MYO9A: variants seen among roughly 807,000 people sequenced by gnomAD.
MYO9A encodes the protein unconventional myosin-IXa.
MYO9A carries 103 observed loss-of-function variants against 293.3 expected under a neutral mutation model. The observed-to-expected ratio is 0.35, with a 90% CI of 0.30 to 0.41. MYO9A has a LOEUF of 0.41. Ranked by LOEUF, MYO9A falls within the 10% of genes least tolerant of loss-of-function variation. MYO9A has a pLI of 1.00. For synonymous variants in MYO9A, 1,001 were observed against 1,035.7 expected, an observed-to-expected ratio of 0.97 and a Z score of 0.64; for missense variants, 2,685 against 3,033.0, an observed-to-expected ratio of 0.89 and a Z score of 2.69.
At chr15:72,103,382 C>CAGCAGCAGCAGAAGCAGCAGCAAGCAGCA (rs1596584494) in intron 1 of MYO9A, among the ~76,000 whole-genome samples, 1 of 142,704 alleles carries the variant, frequency 7.0e-6, no homozygotes, top group African/African-American at 2.6e-5. Context: ...GAAGCAGAAG[C>CAGCAGCAGCAGAAGCAGCAGCAAGCAGCA]AGCAGCAGCA....
At position 72,028,220 on chromosome 15, in the gene MYO9A, T is replaced by TATATATAC. The variant is rs1555408290; in HGVS notation, c.936-428_936-427insGTATATAT. On this transcript the variant is annotated intron_variant, in intron 3 of 41. Coordinates refer to ENST00000356056, the MANE Select transcript of MYO9A (RefSeq NM_006901.4). ...TCAAAAAAATAAATAAATAAATAAA[T>TATATATAC]ATATATATATATATATATAAATATA... 9.6e-5 allele frequency among the ~76,000 whole-genome samples: 13 copies of TATATATAC among 135,828 alleles called. No individual in the cohort carries two copies. In the South Asian group the frequency reaches 1.8e-3, roughly 19 times the overall value. 89.1% of individuals were successfully genotyped at this position (135,828 alleles called of 152,430 possible).
intron 19 of MYO9A, among the ~76,000 whole-genome samples, chr15:71,910,076 A>G (rs892405568): frequency 2.0e-5 from 3 of 148,826 alleles, no homozygotes; most frequent in South Asian, 4.2e-4. Context: ...CCCCAATTTT[A>G]TATATATACA....
intron 6 of MYO9A, 60 bp from the exon 7 acceptor site, chr15:72,010,507 C>T: frequency 7.0e-7 from 1 of 1,431,190 alleles, no homozygotes; most frequent in African/African-American, 1.4e-5. Flanking sequence ...TAATGTGGGC[C>T]ATTCAGAAAT....
chr15:71,910,423 G>A (rs1468067403), intron 19 of MYO9A, among the ~76,000 whole-genome samples: 2 of 151,834 alleles, frequency 1.3e-5, no homozygotes, highest in African/African-American at 4.8e-5. Flanking sequence ...CTGTATATTA[G>A]TGATCCATTA....
At chr15:71,915,594 A>C (rs2057986745) in intron 19 of MYO9A, among the ~76,000 whole-genome samples, 2 of 152,182 alleles carry the variant, frequency 1.3e-5, no homozygotes, top group South Asian at 4.1e-4. Context: ...ATGATACATT[A>C]GTAGATAGCT....
intron 33 of MYO9A, among the ~76,000 whole-genome samples, chr15:71,861,697 A>C (rs1481111928): frequency 2.0e-5 from 3 of 149,186 alleles, no homozygotes; most frequent in Admixed American, 1.3e-4. Flanking sequence ...AAAAAAAAAA[A>C]AAAACAAATA....
chr15:71,936,893 T>C (rs749740057), intron 16 of MYO9A, among the ~76,000 whole-genome samples: 4 of 151,758 alleles, frequency 2.6e-5, no homozygotes, highest in Non-Finnish European at 2.9e-5. Context: ...GTGTGTGCAC[T>C]TATATTTTTC....
chr15:72,034,914 C>G (rs948715097), intron 2 of MYO9A, among the ~76,000 whole-genome samples: 5 of 152,168 alleles, frequency 3.3e-5, no homozygotes, highest in African/African-American at 1.2e-4. Context: ...ACTTTTATCA[C>G]TACATAAAGT....
At chr15:71,910,938 A>G (rs796783002) in intron 19 of MYO9A, among the ~76,000 whole-genome samples, 4 of 152,304 alleles carry the variant, frequency 2.6e-5, no homozygotes, top group African/African-American at 9.6e-5. Context: ...TAAAATCTAC[A>G]TACTATTAAA....
chr15:72,084,515 T>C (rs936861956), intron 1 of MYO9A, among the ~76,000 whole-genome samples: 2 of 152,172 alleles, frequency 1.3e-5, no homozygotes, highest in South Asian at 2.1e-4. Context: ...ACTGACATCA[T>C]GATGTTACCT....
chr15:71,925,264 T>C (rs1245013908), intron 18 of MYO9A, among the ~76,000 whole-genome samples: 3 of 149,260 alleles, frequency 2.0e-5, no homozygotes, highest in East Asian at 1.9e-4. Context: ...TACACATATA[T>C]ACATATATAC....
chr15:71,878,567 C>T (rs1187310148), intron 30 of MYO9A, among the ~76,000 whole-genome samples: 1 of 152,012 alleles, frequency 6.6e-6, no homozygotes, highest in Non-Finnish European at 1.5e-5. Flanking sequence ...CAGAAATGAA[C>T]CTTGTTTAGA....
At chr15:72,044,784 A>C (rs2078332761) in intron 2 of MYO9A, among the ~76,000 whole-genome samples, 1 of 152,206 alleles carries the variant, frequency 6.6e-6, no homozygotes, top group African/African-American at 2.4e-5. Flanking sequence ...ATATCAGCAA[A>C]AATATTTTCA....
At chr15:72,014,368 ATT>A (rs1198207399) in intron 6 of MYO9A, among the ~76,000 whole-genome samples, 6 of 151,936 alleles carry the variant, frequency 3.9e-5, no homozygotes, top group Non-Finnish European at 5.9e-5. Flanking sequence ...AAAATGTATG[ATT>A]TCTTAAGTAC....
Position 72,079,915 on chromosome 15 carries a change from T to C in MYO9A, c.-71-33281A>G, listed in dbSNP as rs571492381. Among the ~76,000 whole-genome samples, 21 of 152,282 alleles carry C rather than the reference T, an allele frequency of 1.4e-4. 1 individual carries two copies. The South Asian group carries it at 4.1e-3, about 30-fold the overall frequency. On this transcript the variant is annotated intron_variant, in intron 1 of 41. Transcript: ENST00000356056. ...ATTTCTGCACCTGTATTTAAAAGTA[T>C]AAAAAAGTATTTAAAAGTTTAAAAA...
At chr15:72,010,542 T>A in intron 6 of MYO9A, 95 bp from the exon 7 acceptor site, 1 of 1,055,906 alleles carries the variant, frequency 9.5e-7, no homozygotes, top group Non-Finnish European at 1.4e-6. Context: ...TAGGTACCTG[T>A]ATGTATAAAT....
At chr15:72,011,223 G>A (rs1255199094) in intron 6 of MYO9A, among the ~76,000 whole-genome samples, 1 of 151,744 alleles carries the variant, frequency 6.6e-6, no homozygotes, top group African/African-American at 2.4e-5. Flanking sequence ...CATTGCCCAG[G>A]CTAGTCCTGA....
At position 71,864,303 on chromosome 15, in the gene MYO9A, T is replaced by C. The variant is rs182204685; in HGVS notation, c.5980-1692A>G. ...AAATACTACTTCATACCTACCAGAA[T>C]GGCTATAACAAAAAAGGTAAACAAT... On this transcript the variant is annotated intron_variant, in intron 32 of 41. Transcript: ENST00000356056. Among the ~76,000 whole-genome samples, 426 of 152,272 alleles carry C rather than the reference T, an allele frequency of 2.8e-3. 4 individuals are homozygous for C. The highest frequency in any genetic ancestry group is 6.8e-3 in the South Asian group (33 of 4,824).
chr15:71,846,780 A>ACAAT lies in MYO9A; in HGVS notation c.6837+2061_6837+2064dup, dbSNP rs200038502. ...CCATCCCCCCCATTCCTTTTTTTGTACAATCAATGGAACTGAAGAGGGATA... is the reference window on the plus strand; with the variant it reads ...CCATCCCCCCCATTCCTTTTTTTGTACAATCAATCAATGGAACTGAAGAGGGATA... On this transcript the variant is annotated intron_variant, in intron 39 of 41. Coordinates refer to ENST00000356056, the MANE Select transcript of MYO9A (RefSeq NM_006901.4). 7.5e-3 allele frequency among the ~76,000 whole-genome samples: 1,145 copies of ACAAT among 152,186 alleles called. 13 individuals carry two copies. Among genetic ancestry groups the ACAAT allele is most frequent in the African/African-American group, 0.026 (1,091 of 41,516 alleles).
Sources: gnomAD v4.1 joint callset for allele counts (sites outside exome capture counted in the v4.1 genomes callset) on GRCh38, gnomAD v4.1.1 for gene constraint, MANE v1.5 for transcripts, NCBI Gene and HGNC (gene_info 2026-07-23, HGNC 2026-07-21) for gene names.